The following CADM2 variants were observed in gnomAD, a reference collection of about 807,000 sequenced individuals.
CADM2 encodes cell adhesion molecule 2, also known as immunoglobulin superfamily member 4D.
A neutral mutation model predicts 49.8 loss-of-function variants in CADM2; 12 were observed. That is an observed-to-expected ratio of 0.24 (90% CI 0.15 to 0.39). The LOEUF is 0.39. Ranked by LOEUF, CADM2 falls within the 10% of genes least tolerant of loss-of-function variation. The probability of loss-of-function intolerance (pLI) is 1.00; values close to 1 mark genes in which losing one functional copy is unlikely to be tolerated. For missense variants in CADM2, 378 were observed against 492.3 expected, an observed-to-expected ratio of 0.77 and a Z score of 2.20; for synonymous variants, 214 against 175.4, an observed-to-expected ratio of 1.22 and a Z score of -1.74.
At chr3:85,629,992 AT>A (rs1331639979) in intron 1 of CADM2, among the ~76,000 whole-genome samples, 3 of 152,010 alleles carry the variant, frequency 2.0e-5, no homozygotes, top group Admixed American at 6.6e-5. Flanking sequence ...TTTATCTTTT[AT>A]CTGGTCTCTG....
intron 1 of CADM2, among the ~76,000 whole-genome samples, chr3:85,017,378 A>T (rs1329566546): frequency 6.6e-6 from 1 of 152,232 alleles, no homozygotes; most frequent in Non-Finnish European, 1.5e-5. Context: ...ATGAAATTTT[A>T]AAAAATATTC....
chr3:85,429,125 T>G (rs2036554200), intron 1 of CADM2, among the ~76,000 whole-genome samples: 1 of 152,036 alleles, frequency 6.6e-6, no homozygotes, highest in African/African-American at 2.4e-5. Flanking sequence ...AAGCAGCAAA[T>G]AAATAATGAG....
chr3:85,726,629 C>A lies in CADM2; in HGVS notation c.88+81C>A, dbSNP rs1331423541. The A allele has an allele frequency of 4.6e-6, 5 of 1,095,310 alleles. No homozygotes were observed. The African/African-American group carries it at 4.7e-5, about 10-fold the overall frequency. 67.8% of individuals were successfully genotyped at this position (1,095,310 alleles called of 1,614,324 possible). A position where few individuals can be genotyped will look rare whatever the true frequency, so the allele number is the denominator to read the frequency against. ...TCTAAGTTCTCTTAAATGATAGAAC[C>A]AATTCGGTTGGTGATAATACTATTT... On this transcript the variant is annotated intron_variant, in intron 2 of 9. Transcript: ENST00000383699.
intron 8 of CADM2, among the ~76,000 whole-genome samples, chr3:86,006,825 G>A (rs994043338): frequency 1.3e-5 from 2 of 152,022 alleles, no homozygotes; most frequent in African/African-American, 4.8e-5. Context: ...CAGATCACCT[G>A]AGGTCAGGAG....
intron 2 of CADM2, among the ~76,000 whole-genome samples, chr3:85,760,506 A>G (rs2069323746): frequency 6.6e-6 from 1 of 152,200 alleles, no homozygotes; most frequent in African/African-American, 2.4e-5. Context: ...CAACTCATCG[A>G]CATGAACTTT....
chr3:85,655,676 GCA>G (rs1454963223), intron 1 of CADM2, among the ~76,000 whole-genome samples: 1 of 152,070 alleles, frequency 6.6e-6, no homozygotes, highest in Non-Finnish European at 1.5e-5. Flanking sequence ...CTTCCTAAAA[GCA>G]CACAGTTAGT....
At chr3:85,356,149 C>A (rs558597179) in intron 1 of CADM2, among the ~76,000 whole-genome samples, 1 of 152,000 alleles carries the variant, frequency 6.6e-6, no homozygotes, top group South Asian at 2.1e-4. Context: ...GGTGAGGTAG[C>A]TATACTATCA....
At chr3:85,394,263 G>T (rs72905473) in intron 1 of CADM2, among the ~76,000 whole-genome samples, 5,916 of 151,800 alleles carry the variant, frequency 0.039, 390 homozygotes, top group African/African-American at 0.13. Flanking sequence ...CTACATTTTT[G>T]AGTTTTCCAT....
chr3:85,055,089 T>G (rs928957705), intron 1 of CADM2, among the ~76,000 whole-genome samples: 23 of 151,904 alleles, frequency 1.5e-4, no homozygotes, highest in African/African-American at 5.6e-4. Context: ...TCACTGTACT[T>G]CTGCCATGAC....
chr3:85,668,485 C>G (rs1246374857), intron 1 of CADM2, among the ~76,000 whole-genome samples: 4 of 151,946 alleles, frequency 2.6e-5, no homozygotes, highest in Admixed American at 6.6e-5. Flanking sequence ...TCCAAAATTC[C>G]CATGTGTTGT....
chr3:85,961,438 T>TG, intron 7 of CADM2, 31 bp from the exon 8 acceptor site: 2 of 1,490,832 alleles, frequency 1.3e-6, no homozygotes, highest in Non-Finnish European at 1.8e-6. Context: ...TTCTTATTTT[T>TG]GCTATCTACA....
intron 3 of CADM2, among the ~76,000 whole-genome samples, chr3:85,845,693 C>T (rs1043962121): frequency 3.3e-5 from 5 of 152,084 alleles, no homozygotes; most frequent in East Asian, 1.9e-4. Context: ...GTAGGCCCAG[C>T]GGGATGTTTG....
chr3:85,652,796 T>TA (rs1553655457), intron 1 of CADM2, among the ~76,000 whole-genome samples: 13 of 143,340 alleles, frequency 9.1e-5, no homozygotes, highest in Non-Finnish European at 1.8e-4. Flanking sequence ...TTTTTTTTTT[T>TA]AGACAGAGTC....
chr3:85,862,710 G>C (rs1272477447), intron 3 of CADM2, among the ~76,000 whole-genome samples: 6 of 152,104 alleles, frequency 3.9e-5, no homozygotes, highest in Admixed American at 3.3e-4. Context: ...ACTATAAGAT[G>C]AAATGTATAG....
chr3:85,969,838 G>A (rs577288200), intron 8 of CADM2, among the ~76,000 whole-genome samples: 10 of 150,504 alleles, frequency 6.6e-5, no homozygotes, highest in South Asian at 2.1e-4. Flanking sequence ...TGTCTCTCCC[G>A]CTGTTTTCAA....
intron 2 of CADM2, among the ~76,000 whole-genome samples, chr3:85,799,742 C>T (rs2071877908): frequency 6.6e-6 from 1 of 152,136 alleles, no homozygotes; most frequent in African/African-American, 2.4e-5. Context: ...TTGCTGCCTG[C>T]TCCTTCCTGT....
intron 1 of CADM2, among the ~76,000 whole-genome samples, chr3:85,557,661 G>A (rs898195565): frequency 2.0e-5 from 3 of 151,980 alleles, no homozygotes; most frequent in African/African-American, 7.2e-5. Context: ...GTTGTGATAA[G>A]TATATTAACA....
In CADM2 at chr3:86,067,866, T is replaced by C. The variant is rs1473709829; in HGVS notation, c.*1083T>C. The C allele has an allele frequency of 6.6e-6, 1 of 152,510 alleles. No individual in the cohort carries two copies. Among genetic ancestry groups the C allele is most frequent in the African/African-American group, 2.4e-5 (1 of 41,458 alleles). The allele number at this position is 152,510 out of a possible 1,614,324, so 9.4% of individuals were successfully genotyped here. A position where few individuals can be genotyped will look rare whatever the true frequency, so the allele number is the denominator to read the frequency against. ...GTTCAACAACAAATTTTTCTAGTTC[T>C]TGTTAATTTTTATTTGTTATACAAT... On this transcript the variant is annotated 3_prime_UTR_variant, in exon 10 of 10. Transcript: ENST00000383699.
intron 1 of CADM2, among the ~76,000 whole-genome samples, chr3:85,094,338 TA>T: frequency 6.6e-6 from 1 of 152,282 alleles, no homozygotes; most frequent in East Asian, 1.9e-4. Context: ...CAGCTACTAA[TA>T]TTGTCCTTTC....
Sources: allele counts gnomAD v4.1 joint callset (sites outside exome capture counted in the v4.1 genomes callset), GRCh38; gene constraint gnomAD v4.1.1; transcripts MANE v1.5; gene names NCBI Gene and HGNC (gene_info 2026-07-23, HGNC 2026-07-21).